RBM25: variants seen among roughly 807,000 people sequenced by gnomAD.
RBM25 encodes the protein RNA binding motif protein 25.
A neutral mutation model predicts 120.7 loss-of-function variants in RBM25; 19 were observed. That is an observed-to-expected ratio of 0.16 (90% CI 0.11 to 0.23). RBM25 has a LOEUF of 0.23. Ranked by LOEUF, RBM25 falls within the 10% of genes least tolerant of loss-of-function variation. The pLI, the probability that RBM25 is intolerant of heterozygous loss-of-function variation, is 1.00. For missense variants in RBM25, 605 were observed against 1,041.5 expected (o/e 0.58, Z 5.77); for synonymous variants, 390 against 326.7 (o/e 1.19, Z -2.09).
intron 1 of RBM25, among the ~76,000 whole-genome samples, chr14:73,062,775 T>C (rs1458624707): frequency 6.6e-6 from 1 of 151,304 alleles, no homozygotes; most frequent in African/African-American, 2.4e-5. Flanking sequence ...TATACTTGTG[T>C]GACCACCGCT....
chr14:73,096,259 G>A (rs1895940180), intron 6 of RBM25, among the ~76,000 whole-genome samples: 1 of 152,172 alleles, frequency 6.6e-6, no homozygotes, highest in African/African-American at 2.4e-5. Context: ...TTACAGGAGT[G>A]AGCCACTGCG....
At chr14:73,072,266 C>T (rs773778461) in intron 2 of RBM25, among the ~76,000 whole-genome samples, 1 of 151,778 alleles carries the variant, frequency 6.6e-6, no homozygotes, top group Non-Finnish European at 1.5e-5. Context: ...CCACCATGCC[C>T]AGCCTAAAAA....
intron 6 of RBM25, among the ~76,000 whole-genome samples, chr14:73,089,449 T>C (rs1036934109): frequency 1.2e-4 from 18 of 149,316 alleles, no homozygotes; most frequent in African/African-American, 4.2e-4. Flanking sequence ...CTGCCTCCCG[T>C]GTTCAGGTGA....
At position 73,103,189 on chromosome 14, in the gene RBM25, T is replaced by C. The variant is rs1404270775; in HGVS notation, c.868-3T>C. The C allele has an allele frequency of 6.2e-7, 1 of 1,605,174 alleles. No individual in the cohort carries two copies. Among genetic ancestry groups the C allele is most frequent in the Non-Finnish European group, 8.5e-7 (1 of 1,177,930 alleles). ...CTCTAAAAGTGCTTTTATTGGTTTC[T>C]AGAAACTGGAAGAAGAGAAAGGCAA... On this transcript the variant is annotated splice_polypyrimidine_tract_variant and splice_region_variant and intron_variant, in intron 9 of 18. Transcript: ENST00000261973.
chr14:73,082,597 T>G (rs1895588771), intron 4 of RBM25, among the ~76,000 whole-genome samples: 1 of 152,212 alleles, frequency 6.6e-6, no homozygotes, highest in Admixed American at 6.5e-5. Flanking sequence ...TGCTTTTATT[T>G]TTAAAGTATA....
chr14:73,062,747 TGAG>T, intron 1 of RBM25, among the ~76,000 whole-genome samples: 1 of 151,616 alleles, frequency 6.6e-6, no homozygotes, highest in South Asian at 2.1e-4. Context: ...TTAATTTCAA[TGAG>T]TTTAGACAAA....
At chr14:73,117,812 C>T (rs1896466718) in intron 18 of RBM25, among the ~76,000 whole-genome samples, 1 of 152,106 alleles carries the variant, frequency 6.6e-6, no homozygotes, top group African/African-American at 2.4e-5. Context: ...ATTCCTACCC[C>T]AAACTTCCTC....
intron 2 of RBM25, 108 bp downstream of exon 2, chr14:73,071,855 C>G: frequency 1.2e-6 from 1 of 841,680 alleles, no homozygotes; most frequent in South Asian, 1.6e-5. Context: ...AGATGCCTCT[C>G]AGCGTTGTTT....
intron 18 of RBM25, 79 bp from the exon 19 acceptor site, chr14:73,119,632 CTT>C (rs1231685729): frequency 3.8e-6 from 6 of 1,573,456 alleles, no homozygotes; most frequent in Non-Finnish European, 4.3e-6. Context: ...GGATGAAAAA[CTT>C]TTTTATACTG....
At chr14:73,113,675 A>G (rs1458717444) in intron 17 of RBM25, among the ~76,000 whole-genome samples, 1 of 152,010 alleles carries the variant, frequency 6.6e-6, no homozygotes, top group Non-Finnish European at 1.5e-5. Flanking sequence ...CTGTGTGACA[A>G]GAGTGAGACT....
chr14:73,111,903 A>G, intron 16 of RBM25, 101 bp downstream of exon 16: 2 of 1,357,650 alleles, frequency 1.5e-6, no homozygotes, highest in Non-Finnish European at 1.0e-6. Flanking sequence ...TCTATTAATG[A>G]CAAATAAGTA....
At chr14:73,096,611 G>T (rs1272914295) in intron 6 of RBM25, among the ~76,000 whole-genome samples, 1 of 152,094 alleles carries the variant, frequency 6.6e-6, no homozygotes, top group Non-Finnish European at 1.5e-5. Flanking sequence ...TACCTATTGA[G>T]CAAAACAGTC....
intron 6 of RBM25, among the ~76,000 whole-genome samples, chr14:73,093,751 C>T (rs904654726): frequency 6.6e-6 from 1 of 152,004 alleles, no homozygotes. Flanking sequence ...AGGTGGTCCA[C>T]CCGCCTCGGC....
chr14:73,099,906 A>C, intron 9 of RBM25, 156 bp downstream of exon 9: 1 of 1,183,476 alleles, frequency 8.4e-7, no homozygotes, highest in Non-Finnish European at 1.1e-6. Flanking sequence ...CAGAAGACCA[A>C]TACCATATTA....
rs1373125816 is a variant in RBM25 at position 73,121,606 on chromosome 14, C to G, written c.*1801C>G. On this transcript the variant is annotated 3_prime_UTR_variant, in exon 19 of 19. Transcript: ENST00000261973. Reference sequence around the variant, plus strand: ...TTCAGTCTTTTCTTAGACACACCCCCAGCCTAAGACCTTGTTCGAGGAGTT... The same window carrying G: ...TTCAGTCTTTTCTTAGACACACCCCGAGCCTAAGACCTTGTTCGAGGAGTT... 1 of 152,230 alleles carries G rather than the reference C, an allele frequency of 6.6e-6. No homozygotes were observed. Among genetic ancestry groups the G allele is most frequent in the East Asian group, 1.9e-4 (1 of 5,206 alleles). The allele number at this position is 152,230 out of a possible 1,614,324, so 9.4% of individuals were successfully genotyped here.
chr14:73,105,126 C>CTTTTTTTTTTTTTTT lies in RBM25; in HGVS notation c.1155-729_1155-715dup, dbSNP rs34862161. Among the ~76,000 whole-genome samples, 9 of 109,562 alleles carry CTTTTTTTTTTTTTTT rather than the reference C, an allele frequency of 8.2e-5. 1 individual carries two copies. The highest frequency in any genetic ancestry group is 3.4e-4 in the African/African-American group (9 of 26,648). 71.9% of individuals were successfully genotyped at this position (109,562 alleles called of 152,430 possible). ...TGTAATCTGCAGTTTGGTTTTATTA[C>CTTTTTTTTTTTTTTT]TTTTTTTTTTTTTTTTTTGGAGACG... On this transcript the variant is annotated intron_variant, in intron 10 of 18. Transcript: ENST00000261973.
chr14:73,081,301 C>G (rs1371658834), intron 4 of RBM25, among the ~76,000 whole-genome samples: 1 of 152,142 alleles, frequency 6.6e-6, no homozygotes, highest in African/African-American at 2.4e-5. Context: ...CCACGTCCGG[C>G]TAATTTTTGT....
intron 2 of RBM25, among the ~76,000 whole-genome samples, chr14:73,072,294 AT>A (rs1895315066): frequency 6.6e-6 from 1 of 152,088 alleles, no homozygotes; most frequent in African/African-American, 2.4e-5. Flanking sequence ...TTTAAAAAAA[AT>A]GGGTAATACA....
intron 5 of RBM25, among the ~76,000 whole-genome samples, chr14:73,087,364 T>C (rs1269716032): frequency 6.6e-6 from 1 of 152,002 alleles, no homozygotes; most frequent in East Asian, 1.9e-4. Context: ...GAAGTCTAGA[T>C]AGGGTGAATT....
Sources: gnomAD v4.1 joint callset for allele counts (sites outside exome capture counted in the v4.1 genomes callset) on GRCh38, gnomAD v4.1.1 for gene constraint, MANE v1.5 for transcripts, NCBI Gene and HGNC (gene_info 2026-07-23, HGNC 2026-07-21) for gene names.